ECH1: variants seen among roughly 807,000 people sequenced by gnomAD.
ECH1 encodes the protein enoyl-CoA hydratase 1.
In ECH1, 30 loss-of-function variants were observed where a neutral mutation model predicts 37.0. That is an observed-to-expected ratio of 0.81 (90% CI 0.61 to 1.10). The LOEUF is 1.10. ECH1 is among the 50% of genes least tolerant of loss of function. The pLI, the probability that ECH1 is intolerant of heterozygous loss-of-function variation, is 0.00. For missense variants in ECH1, 456 were observed against 441.6 expected, an observed-to-expected ratio of 1.03 and a Z score of -0.29; for synonymous variants, 178 against 176.0, an observed-to-expected ratio of 1.01 and a Z score of -0.09.
At chr19:38,817,861 A>G in intron 3 of ECH1, 1 of 650,926 alleles carries the variant, frequency 1.5e-6, no homozygotes, top group Non-Finnish European at 1.9e-6. Flanking sequence ...CAGAGAGGTT[A>G]AGCACTTGCC....
chr19:38,825,020 A>C (rs1284544345), intron 3 of ECH1, among the ~76,000 whole-genome samples: 4 of 152,216 alleles, frequency 2.6e-5, no homozygotes, highest in African/African-American at 9.6e-5. Context: ...TGATAGGTAC[A>C]TACATGCCCT....
rs1295508398 is a variant in ECH1, at chr19:38,816,337, G to A, written c.678C>T (p.Ala226=). The change falls in exon 8 of 10, where the codon GCC becomes GCT. Residue 226 remains alanine (A), a synonymous_variant. Coordinates refer to ENST00000221418, the MANE Select transcript of ECH1 (RefSeq NM_001398.3). The part of the protein sequence containing the change: ...IGNQSLVNEL[A]FTARKMMADE... ...CAGCCATCATCTTGCGGGCGGTGAA[G>A]GCCAGCTCGTTGACCAGGCTGCAAA... The A allele has an allele frequency of 1.9e-6, 3 of 1,613,778 alleles. No homozygotes were observed. The highest frequency in any genetic ancestry group is 2.5e-6 in the Non-Finnish European group (3 of 1,180,010).
chr19:38,825,932 C>A (rs1971732870), intron 3 of ECH1, among the ~76,000 whole-genome samples: 1 of 152,206 alleles, frequency 6.6e-6, no homozygotes, highest in South Asian at 2.1e-4. Flanking sequence ...CATGTCATCA[C>A]CCTCACTGAG....
At chr19:38,816,556 T>C in intron 6 of ECH1, 33 bp from the exon 7 acceptor site, 1 of 1,611,734 alleles carries the variant, frequency 6.2e-7, no homozygotes, top group Non-Finnish European at 8.5e-7. Flanking sequence ...GTTTGGTTTC[T>C]GCCCAATACT....
At chr19:38,817,685 C>T (rs985371532) in intron 3 of ECH1, 110 bp from the exon 4 acceptor site, 34 of 1,429,308 alleles carry the variant, frequency 2.4e-5, no homozygotes, top group South Asian at 4.6e-5. Flanking sequence ...ACCACCAAGG[C>T]GGAAAAAAAA....
intron 3 of ECH1, among the ~76,000 whole-genome samples, chr19:38,827,230 C>A (rs1344160723): frequency 6.6e-6 from 1 of 152,188 alleles, no homozygotes; most frequent in Admixed American, 6.5e-5. Context: ...GTTGGGAACG[C>A]CATGACAACA....
At chr19:38,816,687 G>A (rs146214759) in intron 6 of ECH1, among the ~76,000 whole-genome samples, 164 bp from the exon 7 acceptor site, 26 of 152,258 alleles carry the variant, frequency 1.7e-4, no homozygotes, top group Admixed American at 4.6e-4. Context: ...TCTTGACTCA[G>A]GCAAGTTCCT....
chr19:38,829,005 C>G (rs1018073915), intron 3 of ECH1, among the ~76,000 whole-genome samples: 9 of 151,344 alleles, frequency 5.9e-5, no homozygotes, highest in African/African-American at 1.9e-4. Flanking sequence ...ATACAACTGA[C>G]CAGGCACAGT....
Position 38,831,337 on chromosome 19 carries a change from T to G in ECH1, c.232A>C (p.Arg78=). 1 of 1,613,006 alleles carries G rather than the reference T, an allele frequency of 6.2e-7. No individual in the cohort carries two copies. The part of the protein sequence containing the change: ...LHVQLNRPNK[R]NAMNKVFWRE... ...CAGAAGACCTTGTTCATGGCATTCC[T>G]CTTGTTGGGCCGGTTGAGCTGGACA... Residue 78 remains arginine (R), a synonymous_variant, in exon 2 of 10, where the codon AGG becomes CGG. Transcript: ENST00000221418.
At chr19:38,816,884 G>A in intron 6 of ECH1, 181 bp downstream of exon 6, 1 of 720,022 alleles carries the variant, frequency 1.4e-6, no homozygotes, top group Non-Finnish European at 2.3e-6. Flanking sequence ...ACACCTGCCA[G>A]CCTCAACCCC....
chr19:38,821,778 CCCG>C (rs1568358701), intron 3 of ECH1, among the ~76,000 whole-genome samples: 1 of 152,184 alleles, frequency 6.6e-6, no homozygotes, highest in Non-Finnish European at 1.5e-5. Flanking sequence ...CGAGCCTCCC[CCCG>C]CCGCCGTGGG....
chr19:38,818,931 G>GCGCA (rs777285072), intron 3 of ECH1, among the ~76,000 whole-genome samples: 3,185 of 127,220 alleles, frequency 0.025, 135 homozygotes, highest in African/African-American at 0.081. Context: ...GTGTGTGTGT[G>GCGCA]TGCACTGTTC....
chr19:38,816,115 G>T, intron 8 of ECH1, 108 bp from the exon 9 acceptor site: 19 of 1,524,482 alleles, frequency 1.2e-5, no homozygotes, highest in Non-Finnish European at 1.7e-5. Context: ...AGACCCCAGA[G>T]AAACAGCCCA....
rs1422179848 is a variant in ECH1 at position 38,815,882 on chromosome 19, G to A, written c.857C>T (p.Ser286Leu). Residue 286 changes from serine (S) to leucine (L), a missense_variant, in exon 9 of 10, where the codon TCG becomes TTG. Transcript: ENST00000221418. ...KVNLLYSRDH[S>L]VAESLNYVAS... Reference sequence around the variant, plus strand: ...CACGTAGTTGAGGCTCTCGGCCACCGAATGGTCGCGGGAATACAGCAGGTT... The same window carrying A: ...CACGTAGTTGAGGCTCTCGGCCACCAAATGGTCGCGGGAATACAGCAGGTT... The A allele has an allele frequency of 2.5e-6, 4 of 1,614,052 alleles. No individual in the cohort carries two copies. The highest frequency in any genetic ancestry group is 2.5e-6 in the Non-Finnish European group (3 of 1,180,040).
Position 38,828,776 on chromosome 19 carries a change from T to C in ECH1, c.349+2302A>G, listed in dbSNP as rs538244630. On this transcript the variant is annotated intron_variant, in intron 3 of 9. Transcript: ENST00000221418. Reference sequence around the variant, plus strand: ...GACTAAAGGTGCCCGCCACCATGCCTGGCTAATATTCTTTTTTTTTATTTT... The same window carrying C: ...GACTAAAGGTGCCCGCCACCATGCCCGGCTAATATTCTTTTTTTTTATTTT... Among the ~76,000 whole-genome samples, 10 of 151,858 alleles carry C rather than the reference T, an allele frequency of 6.6e-5. No individual in the cohort carries two copies. In the East Asian group the frequency reaches 2.0e-3, roughly 30 times the overall value.
intron 3 of ECH1, among the ~76,000 whole-genome samples, chr19:38,827,537 A>G (rs1971757006): frequency 6.6e-6 from 1 of 152,174 alleles, no homozygotes; most frequent in Non-Finnish European, 1.5e-5. Context: ...GAGCCACAGG[A>G]TAGAGTCCAA....
chr19:38,824,646 G>T (rs1014637510), intron 3 of ECH1, among the ~76,000 whole-genome samples: 1 of 152,120 alleles, frequency 6.6e-6, no homozygotes, highest in Non-Finnish European at 1.5e-5. Flanking sequence ...GACCTTTTCT[G>T]TAAGAGGGAA....
In ECH1 at chr19:38,831,460, AG is replaced by A. The variant is rs1317024517; in HGVS notation, c.108del (p.Ser37LeufsTer9). 6 of 1,614,020 alleles carry A rather than the reference AG, an allele frequency of 3.7e-6. No individual in the cohort carries two copies. Among genetic ancestry groups the A allele is most frequent in the Non-Finnish European group, 4.2e-6 (5 of 1,180,040 alleles). On this transcript the variant is annotated frameshift_variant, in exon 2 of 10. Transcript: ENST00000221418. LOFTEE classifies it high-confidence loss of function. The part of the protein sequence containing the change: ...GLSISLRLTG[S>X]SAQEEASGVA... ...ACTCCGGAAGCCTCCTCTTGTGCAG[AG>A]GAGCCAGTGAGGCGAAGGCTAATAC...
chr19:38,815,750 G>A (rs1568355561), intron 9 of ECH1, 33 bp from the exon 10 acceptor site: 2 of 1,613,990 alleles, frequency 1.2e-6, no homozygotes, highest in Middle Eastern at 1.6e-4. Context: ...AGAACGAGGA[G>A]AGAGATTAGC....
Sources: gnomAD v4.1 joint callset for allele counts (sites outside exome capture counted in the v4.1 genomes callset) on GRCh38, gnomAD v4.1.1 for gene constraint, MANE v1.5 for transcripts, NCBI Gene and HGNC (gene_info 2026-07-23, HGNC 2026-07-21) for gene names.